Variants in MEPCE observed in about 807,000 individuals in gnomAD.
MEPCE encodes methylphosphate capping enzyme.
MEPCE carries 9 observed loss-of-function variants against 52.3 expected under a neutral mutation model. That is an observed-to-expected ratio of 0.17 (90% CI 0.10 to 0.30). The LOEUF is 0.30. MEPCE is among the 10% of genes least tolerant of loss of function. The pLI is 1.00. For synonymous variants in MEPCE, 477 were observed against 401.6 expected, an observed-to-expected ratio of 1.19 and a Z score of -2.25; for missense variants, 826 against 933.0, an observed-to-expected ratio of 0.89 and a Z score of 1.49.
Position 100,433,943 on chromosome 7 carries a change from G to A in MEPCE, c.*389G>A, listed in dbSNP as rs1033012360. 1.4e-5 allele frequency: 3 copies of A among 214,046 alleles called. No homozygotes were observed. Among genetic ancestry groups the A allele is most frequent in the African/African-American group, 7.0e-5 (3 of 43,050 alleles). The allele number at this position is 214,046 out of a possible 1,614,324, so 13.3% of individuals were successfully genotyped here. A position where few individuals can be genotyped will look rare whatever the true frequency, so the allele number is the denominator to read the frequency against. On this transcript the variant is annotated 3_prime_UTR_variant, in exon 4 of 4. Coordinates refer to ENST00000310512, the MANE Select transcript of MEPCE (RefSeq NM_019606.6). ...CCATTGTACCTAGCTCTTGTCCCTA[G>A]CTGCATTTCAGTGGACCATGGATAG...
chr7:100,433,109 C>A lies in MEPCE; in HGVS notation c.1862C>A (p.Ser621Ter). 1 of 1,613,930 alleles carries A rather than the reference C, an allele frequency of 6.2e-7. No homozygotes were observed. Among genetic ancestry groups the A allele is most frequent in the South Asian group, 1.1e-5 (1 of 91,036 alleles). ...GILVLEPQPW[S>*]SYGKRKTLTE... ...CTGGTCCTAGAGCCCCAACCCTGGT[C>A]GTCGTATGGCAAGAGAAAGACTCTT... is the stretch of plus-strand genomic sequence containing the variant. Residue 621 changes from serine (S) to a stop codon, truncating the protein, a stop_gained, in exon 2 of 4, where the codon TCG (serine) becomes TAG (stop). Transcript: ENST00000310512. LOFTEE classifies it high-confidence loss of function.
At position 100,430,075 on chromosome 7, in the gene MEPCE, G is replaced by T. The variant is rs932111794; in HGVS notation, c.57G>T (p.Pro19=). The T allele has an allele frequency of 1.6e-6, 2 of 1,266,372 alleles. No individual in the cohort carries two copies. Among genetic ancestry groups the T allele is most frequent in the African/African-American group, 1.5e-5 (1 of 64,600 alleles). The allele number at this position is 1,266,372 out of a possible 1,614,324, so 78.4% of individuals were successfully genotyped here. The change falls in exon 1 of 4, where the codon CCG becomes CCT. Residue 19 remains proline (P), a synonymous_variant. Transcript: ENST00000310512. ...TTCTGGTGCCGGCCCCGCCGCCGCC[G>T]CTCAAAGATGAGTCGGGCGGAGGGG... ...EPFLVPAPPP[P]LKDESGGGGG...
In MEPCE at chr7:100,431,150, G is replaced by T; in HGVS notation, c.1132G>T (p.Gly378Cys). 1 of 1,613,700 alleles carries T rather than the reference G, an allele frequency of 6.2e-7. No individual in the cohort carries two copies. The highest frequency in any genetic ancestry group is 8.5e-7 in the Non-Finnish European group (1 of 1,180,036). Reference protein sequence around the residue: ...TSSKSEAGARGGGQGSKEKGR... With the variant: ...TSSKSEAGARCGGQGSKEKGR... ...CAGCAAGTCGGAGGCAGGGGCTAGGGGTGGAGGCCAGGGTTCCAAGGAAAA... is the reference window on the plus strand; with the variant it reads ...CAGCAAGTCGGAGGCAGGGGCTAGGTGTGGAGGCCAGGGTTCCAAGGAAAA... The change falls in exon 1 of 4, where the codon GGT (glycine) becomes TGT (cysteine). Residue 378 changes from glycine to cysteine, a missense_variant. By Grantham distance (159) the Gly-to-Cys change is radical. This residue lies in a region of MEPCE where 307 missense variants were observed against 292.1 expected (regional missense o/e 1.05). Transcript: ENST00000310512.
Position 100,430,578 on chromosome 7 carries a change from T to G in MEPCE, c.560T>G (p.Leu187Arg). 6.2e-7 allele frequency: 1 copy of G among 1,604,356 alleles called. No individual in the cohort carries two copies. Among genetic ancestry groups the G allele is most frequent in the South Asian group, 1.1e-5 (1 of 90,714 alleles). The change falls in exon 1 of 4, where the codon CTG becomes CGG. Residue 187 changes from leucine to arginine, a missense_variant. Physicochemically the swap from Leu to Arg is moderately radical, Grantham distance 102. Transcript: ENST00000310512. ...CDSVLPSNFL[L>R]GGNIFDPLNL... ...TCTGTGTTACCCTCCAACTTCCTCC[T>G]GGGGGGCAATATCTTTGATCCCCTG... is the stretch of plus-strand genomic sequence containing the variant.
In MEPCE at chr7:100,433,695, TC is replaced by T. The variant is rs1798791444; in HGVS notation, c.*143del. The T allele has an allele frequency of 1.1e-6, 1 of 877,966 alleles. No homozygotes were observed. Among genetic ancestry groups the T allele is most frequent in the Non-Finnish European group, 1.7e-6 (1 of 573,508 alleles). The allele number at this position is 877,966 out of a possible 1,614,324, so 54.4% of individuals were successfully genotyped here. ...TTGGATCTGCAAAGAAAGCTTTTCT[TC>T]CGTCGCTGCCTCAGCCTCCTCCCTA... On this transcript the variant is annotated 3_prime_UTR_variant, in exon 4 of 4. Coordinates refer to ENST00000310512, the MANE Select transcript of MEPCE (RefSeq NM_019606.6).
In MEPCE at chr7:100,430,060, G is replaced by C. The variant is rs1211516444; in HGVS notation, c.42G>C (p.Pro14=). ...MAAEKEPFLV[P]APPPPLKDES... is the part of the protein sequence containing the mutation. ...CGGAGAAGGAGCCGTTTCTGGTGCC[G>C]GCCCCGCCGCCGCCGCTCAAAGATG... Residue 14 remains proline, a synonymous_variant, in exon 1 of 4, where the codon CCG becomes CCC. Transcript: ENST00000310512. 2.4e-6 allele frequency: 3 copies of C among 1,265,036 alleles called. No individual in the cohort carries two copies. The highest frequency in any genetic ancestry group is 1.5e-5 in the African/African-American group (1 of 64,600). The allele number at this position is 1,265,036 out of a possible 1,614,324, so 78.4% of individuals were successfully genotyped here.
In MEPCE at chr7:100,430,681, C is replaced by G; in HGVS notation, c.663C>G (p.Ala221=). ...CCCCTAAGTCATCCCCCCTTCCGGC[C>G]AAAGGGCGAGATCCGGTGGAGATCC... ...AETPKSSPLP[A]KGRDPVEILI... Residue 221 remains alanine (A), a synonymous_variant, in exon 1 of 4, where the codon GCC becomes GCG. Transcript: ENST00000310512. The G allele has an allele frequency of 6.2e-7, 1 of 1,613,860 alleles. No individual in the cohort carries two copies. The highest frequency in any genetic ancestry group is 8.5e-7 in the Non-Finnish European group (1 of 1,180,010).
Position 100,429,871 on chromosome 7 carries a change from G to T in MEPCE, c.-148G>T, listed in dbSNP as rs745498070. ...CGCGGGCTAGTAGGGCGCACTTGGC[G>T]GGGAGGCGCTTGGGCGCGAGACTAG... On this transcript the variant is annotated 5_prime_UTR_variant, in exon 1 of 4. Coordinates refer to ENST00000310512, the MANE Select transcript of MEPCE (RefSeq NM_019606.6). 1.6e-6 allele frequency: 1 copy of T among 621,924 alleles called. No homozygotes were observed. Among genetic ancestry groups the T allele is most frequent in the Non-Finnish European group, 2.3e-6 (1 of 431,006 alleles). The allele number at this position is 621,924 out of a possible 1,614,324, so 38.5% of individuals were successfully genotyped here. A position where few individuals can be genotyped will look rare whatever the true frequency, so the allele number is the denominator to read the frequency against.
chr7:100,431,836 T>C (rs1798720925), intron 1 of MEPCE, 147 bp downstream of exon 1: 4 of 758,150 alleles, frequency 5.3e-6, no homozygotes, highest in Non-Finnish European at 8.3e-6. Flanking sequence ...CTCTCCCCTC[T>C]TATAACCTGG....
In MEPCE at chr7:100,431,470, C is replaced by T. The variant is rs1043841319; in HGVS notation, c.1452C>T (p.Arg484=). 1 of 1,613,676 alleles carries T rather than the reference C, an allele frequency of 6.2e-7. No individual in the cohort carries two copies. The highest frequency in any genetic ancestry group is 1.7e-5 in the Admixed American group (1 of 60,000). The change falls in exon 1 of 4, where the codon CGC becomes CGT. Residue 484 remains arginine (R), a synonymous_variant. Coordinates refer to ENST00000310512, the MANE Select transcript of MEPCE (RefSeq NM_019606.6). ...ATTCCCGGCTCATCCATTCTGCCCG[C>T]CAAAACATCCGACACTACCTTTCCG... ...DIDSRLIHSA[R]QNIRHYLSEE...
chr7:100,433,315 G>C lies in MEPCE; in HGVS notation c.1943G>C (p.Ser648Thr), dbSNP rs750057861. Reference sequence around the variant, plus strand: ...ATCCAATTGAAGCCAGAGCAGTTCAGTTCCTACCTGACATCCCCAGACGTG... The same window carrying C: ...ATCCAATTGAAGCCAGAGCAGTTCACTTCCTACCTGACATCCCCAGACGTG... Reference protein sequence around the residue: ...YRIQLKPEQFSSYLTSPDVGF... With the variant: ...YRIQLKPEQFTSYLTSPDVGF... Residue 648 changes from serine to threonine, a missense_variant, in exon 3 of 4, where the codon AGT becomes ACT. Ser to Thr is a moderately conservative substitution (Grantham distance 58, BLOSUM62 1). Around this residue, in one of 7 missense-constraint regions of MEPCE, gnomAD observed 82 missense variants for 121.4 expected, o/e 0.68. Coordinates refer to ENST00000310512, the MANE Select transcript of MEPCE (RefSeq NM_019606.6). The C allele has an allele frequency of 1.9e-6, 3 of 1,614,086 alleles. No homozygotes were observed. The African/African-American group carries it at 4.0e-5, about 22-fold the overall frequency.
At chr7:100,432,835 C>T (rs1304231671) in intron 1 of MEPCE, 84 bp from the exon 2 acceptor site, 1 of 1,224,482 alleles carries the variant, frequency 8.2e-7, no homozygotes, top group East Asian at 2.3e-5. Flanking sequence ...GGCCGCGGGA[C>T]TGTATCGGCC....
rs377527642 is a variant in MEPCE at position 100,430,672 on chromosome 7, C to T, written c.654C>T (p.Pro218=). 8 of 1,613,860 alleles carry T rather than the reference C, an allele frequency of 5.0e-6. No individual in the cohort carries two copies. The highest frequency in any genetic ancestry group is 1.6e-4 in the Middle Eastern group (1 of 6,062). Residue 218 remains proline (P), a synonymous_variant, in exon 1 of 4, where the codon CCC becomes CCT. Coordinates refer to ENST00000310512, the MANE Select transcript of MEPCE (RefSeq NM_019606.6). ...ACGCGGAGACCCCTAAGTCATCCCCCCTTCCGGCCAAAGGGCGAGATCCGG... is the reference window on the plus strand; with the variant it reads ...ACGCGGAGACCCCTAAGTCATCCCCTCTTCCGGCCAAAGGGCGAGATCCGG... The part of the protein sequence containing the change: ...TLNAETPKSS[P]LPAKGRDPVE...
chr7:100,433,472 A>G (rs1259560305), intron 3 of MEPCE, 30 bp from the exon 4 acceptor site: 7 of 1,613,518 alleles, frequency 4.3e-6, no homozygotes, highest in South Asian at 1.1e-5. Context: ...GGTGCTGCCA[A>G]CCCCTTCTGA....
chr7:100,431,730 G>A (rs547276526), intron 1 of MEPCE, 41 bp downstream of exon 1: 28 of 1,497,300 alleles, frequency 1.9e-5, no homozygotes. Context: ...GGCCAGGTGT[G>A]AAGATGAGAT....
At chr7:100,431,914 GAT>G (rs1042782653) in intron 1 of MEPCE, among the ~76,000 whole-genome samples, 3 of 152,158 alleles carry the variant, frequency 2.0e-5, no homozygotes, top group Admixed American at 2.0e-4. Flanking sequence ...GGATCTCCAA[GAT>G]AGAGGAGGAC....
chr7:100,431,668 C>T lies in MEPCE; in HGVS notation c.1650C>T (p.Pro550=), dbSNP rs200938923. ...ATGGAGCGGACACATCAGTCTTCCC[C>T]AACAATGTTGTCTTCGTCACGGTAA... ...PLDGADTSVF[P]NNVVFVTGNY... The change falls in exon 1 of 4, where the codon CCC becomes CCT. Residue 550 remains proline (P), a synonymous_variant. Transcript: ENST00000310512. 1.3e-6 allele frequency: 2 copies of T among 1,596,662 alleles called. No individual in the cohort carries two copies. The highest frequency in any genetic ancestry group is 2.2e-5 in the South Asian group (2 of 90,746).
chr7:100,434,114 C>T lies in MEPCE; in HGVS notation c.*560C>T, dbSNP rs1798805195. ...TAAACTTGATGTCTAGGGCAGTGGC[C>T]CCCACACCTGTCTCGGTACTGTCTA... On this transcript the variant is annotated 3_prime_UTR_variant, in exon 4 of 4. Transcript: ENST00000310512. The T allele has an allele frequency of 6.5e-6, 1 of 153,536 alleles. No homozygotes were observed. Among genetic ancestry groups the T allele is most frequent in the African/African-American group, 2.4e-5 (1 of 41,400 alleles). The allele number at this position is 153,536 out of a possible 1,614,324, so 9.5% of individuals were successfully genotyped here.
At position 100,431,196 on chromosome 7, in the gene MEPCE, GCCGCCACCACCA is replaced by G; in HGVS notation, c.1181_1192del (p.Arg394_His397del). ...GAAAAGGGCCGAGGGAGTTGGGGAG[GCCGCCACCACCA>G]CCACCACCCACTGCCTGCAGCAGGC... On this transcript the variant is annotated inframe_deletion, in exon 1 of 4. Coordinates refer to ENST00000310512, the MANE Select transcript of MEPCE (RefSeq NM_019606.6). 1 of 1,613,730 alleles carries G rather than the reference GCCGCCACCACCA, an allele frequency of 6.2e-7. No homozygotes were observed. The highest frequency in any genetic ancestry group is 8.5e-7 in the Non-Finnish European group (1 of 1,179,996).
Sources: allele counts gnomAD v4.1 joint callset (sites outside exome capture counted in the v4.1 genomes callset), GRCh38; gene constraint gnomAD v4.1.1; regional missense constraint gnomAD v4.1.1; transcripts MANE v1.5; gene names NCBI Gene and HGNC (gene_info 2026-07-23, HGNC 2026-07-21).